Variants in CTNNA3 observed in about 807,000 individuals in gnomAD.
CTNNA3 encodes the protein catenin alpha-3.
Under a neutral mutation model 95.7 loss-of-function variants are expected in CTNNA3, and 76 were observed. The observed-to-expected ratio is 0.79, with a 90% CI of 0.66 to 0.96. The LOEUF is 0.96. Ranked by LOEUF, CTNNA3 falls within the 40% of genes least tolerant of loss-of-function variation. The pLI is 0.00. For synonymous variants in CTNNA3, 431 were observed against 374.4 expected, an observed-to-expected ratio of 1.15 and a Z score of -1.74; for missense variants, 1,191 against 1,089.8, an observed-to-expected ratio of 1.09 and a Z score of -1.31.
intron 15 of CTNNA3, among the ~76,000 whole-genome samples, chr10:65,994,582 C>G (rs986335265): frequency 6.6e-6 from 1 of 152,062 alleles, no homozygotes; most frequent in South Asian, 2.1e-4. Flanking sequence ...CTTTAGAAAT[C>G]CTTTCTTTGT....
At chr10:67,033,019 A>C (rs532675450) in intron 7 of CTNNA3, among the ~76,000 whole-genome samples, 1 of 152,326 alleles carries the variant, frequency 6.6e-6, no homozygotes, top group East Asian at 1.9e-4. Flanking sequence ...ATTATTTTAC[A>C]GTACTTTTAC....
chr10:66,502,653 T>C (rs1840316508), intron 11 of CTNNA3, among the ~76,000 whole-genome samples: 1 of 152,132 alleles, frequency 6.6e-6, no homozygotes, highest in Admixed American at 6.5e-5. Flanking sequence ...TTTCTCTTTT[T>C]AACATATGAA....
chr10:66,784,251 T>C (rs536620805), intron 7 of CTNNA3, among the ~76,000 whole-genome samples: 5 of 152,288 alleles, frequency 3.3e-5, no homozygotes, highest in African/African-American at 1.2e-4. Flanking sequence ...GAAAGTTAAA[T>C]TAAAGCCTCC....
intron 7 of CTNNA3, among the ~76,000 whole-genome samples, chr10:66,913,100 G>T (rs955484503): frequency 6.6e-6 from 1 of 151,698 alleles, no homozygotes; most frequent in Non-Finnish European, 1.5e-5. Flanking sequence ...TTAGCCGGGC[G>T]CTGTGGCAGG....
intron 10 of CTNNA3, among the ~76,000 whole-genome samples, chr10:66,608,437 TA>T (rs986522745): frequency 3.3e-5 from 5 of 151,750 alleles, no homozygotes; most frequent in East Asian, 3.9e-4. Flanking sequence ...CACACAACTA[TA>T]AAAAAAACTA....
chr10:66,334,158 A>G (rs1265699622), intron 12 of CTNNA3, among the ~76,000 whole-genome samples: 1 of 151,950 alleles, frequency 6.6e-6, no homozygotes, highest in South Asian at 2.1e-4. Flanking sequence ...AATACAGCAC[A>G]CTGATGGGTC....
intron 7 of CTNNA3, among the ~76,000 whole-genome samples, chr10:66,984,146 C>T (rs534433846): frequency 1.4e-3 from 84 of 61,258 alleles, no homozygotes; most frequent in African/African-American, 2.9e-3. Flanking sequence ...AGGAGTCATC[C>T]GCTACCAAAA....
At chr10:66,225,377 T>C (rs1157454121) in intron 13 of CTNNA3, among the ~76,000 whole-genome samples, 2 of 120,402 alleles carry the variant, frequency 1.7e-5, no homozygotes, top group African/African-American at 6.4e-5. Flanking sequence ...CAGGATTTCA[T>C]TCATTTTATT....
At chr10:66,856,957 T>C (rs1485878008) in intron 7 of CTNNA3, among the ~76,000 whole-genome samples, 2 of 152,096 alleles carry the variant, frequency 1.3e-5, no homozygotes, top group South Asian at 2.1e-4. Flanking sequence ...GCTTTTGGCA[T>C]TTTTGTCATG....
At chr10:67,515,427 C>T (rs900154181) in intron 5 of CTNNA3, among the ~76,000 whole-genome samples, 1 of 151,890 alleles carries the variant, frequency 6.6e-6, no homozygotes, top group Non-Finnish European at 1.5e-5. Flanking sequence ...TTGGGACAAA[C>T]AACTATGTAC....
At chr10:66,825,797 C>T (rs1842486663) in intron 7 of CTNNA3, among the ~76,000 whole-genome samples, 1 of 152,044 alleles carries the variant, frequency 6.6e-6, no homozygotes, top group African/African-American at 2.4e-5. Flanking sequence ...TCATTTCTGG[C>T]TTCGCTTTGT....
intron 13 of CTNNA3, among the ~76,000 whole-genome samples, chr10:66,162,931 G>A (rs1432273121): frequency 6.6e-6 from 1 of 152,012 alleles, no homozygotes; most frequent in Non-Finnish European, 1.5e-5. Context: ...CACTGGAGTT[G>A]TGTACCTAGG....
intron 12 of CTNNA3, among the ~76,000 whole-genome samples, chr10:66,290,906 T>C (rs2091670566): frequency 6.6e-6 from 1 of 152,166 alleles, no homozygotes; most frequent in Non-Finnish European, 1.5e-5. Flanking sequence ...AAAATGCTAA[T>C]GATGTAAATT....
chr10:66,478,404 A>G (rs766289360), intron 11 of CTNNA3, among the ~76,000 whole-genome samples: 7 of 152,192 alleles, frequency 4.6e-5, no homozygotes, highest in Middle Eastern at 3.4e-3. Context: ...AAGCATGTTC[A>G]GCTTTATTAA....
intron 14 of CTNNA3, among the ~76,000 whole-genome samples, chr10:66,099,864 C>T (rs2133729760): frequency 6.6e-6 from 1 of 152,072 alleles, no homozygotes; most frequent in Non-Finnish European, 1.5e-5. Context: ...AACTTTATTT[C>T]CTAAGTAAAC....
rs144746198 is a variant in CTNNA3, at chr10:66,629,313, T to G, written c.1282-7529A>C. On this transcript the variant is annotated intron_variant, in intron 9 of 17. Transcript: ENST00000433211. ...AGTCTTATGACTCAAGGCAGAGAGCTACAGGTCGCCTGGATAATACTCACT... is the reference window on the plus strand; with the variant it reads ...AGTCTTATGACTCAAGGCAGAGAGCGACAGGTCGCCTGGATAATACTCACT... Among the ~76,000 whole-genome samples, 235 of 152,200 alleles carry G rather than the reference T, an allele frequency of 1.5e-3. 4 individuals are homozygous for G. The East Asian group carries it at 0.016, about 11-fold the overall frequency.
chr10:66,928,013 C>T (rs774084468), intron 7 of CTNNA3: 18 of 1,614,034 alleles, frequency 1.1e-5, no homozygotes, highest in African/African-American at 2.7e-5. Context: ...AAAAGTACTA[C>T]AGAGAGGTTT....
chr10:66,246,975 C>T (rs1206714118), intron 13 of CTNNA3, among the ~76,000 whole-genome samples: 2 of 149,748 alleles, frequency 1.3e-5, no homozygotes, highest in African/African-American at 2.5e-5. Flanking sequence ...ATCACTTGAA[C>T]CCGGGAGGAG....
intron 13 of CTNNA3, among the ~76,000 whole-genome samples, chr10:66,115,520 TA>T (rs1440016004): frequency 2.1e-5 from 3 of 140,424 alleles, no homozygotes; most frequent in Non-Finnish European, 3.0e-5. Flanking sequence ...GATAGATAGA[TA>T]GATGATAGAT....
Sources: gnomAD v4.1 joint callset for allele counts (sites outside exome capture counted in the v4.1 genomes callset) on GRCh38, gnomAD v4.1.1 for gene constraint, MANE v1.5 for transcripts, NCBI Gene and HGNC (gene_info 2026-07-23, HGNC 2026-07-21) for gene names.